Variants in TMEM68 observed in about 807,000 individuals in gnomAD.
TMEM68 encodes transmembrane protein 68.
In TMEM68, 25 loss-of-function variants were observed where a neutral mutation model predicts 36.9. The ratio of observed to expected loss-of-function variants is 0.68; its 90% confidence interval spans 0.49 to 0.95. The LOEUF is 0.95. TMEM68 is among the 40% of genes least tolerant of loss of function. TMEM68 has a pLI of 0.00. For missense variants in TMEM68, 333 were observed against 392.0 expected (o/e 0.85, Z 1.27); for synonymous variants, 131 against 124.4 (o/e 1.05, Z -0.35).
At chr8:55,746,868 A>G (rs1314965585) in intron 5 of TMEM68, 2 of 152,252 alleles carry the variant, frequency 1.3e-5, no homozygotes, top group African/African-American at 4.8e-5. Flanking sequence ...TCACTGTTGT[A>G]TAGCACCTAG....
In TMEM68 at chr8:55,744,941, G is replaced by A. The variant is rs775477842; in HGVS notation, c.748+120C>T. The A allele has an allele frequency of 1.4e-5, 8 of 569,884 alleles. No individual in the cohort carries two copies. The East Asian group carries it at 2.0e-4, about 14-fold the overall frequency. 35.3% of individuals were successfully genotyped at this position (569,884 alleles called of 1,614,324 possible). On this transcript the variant is annotated intron_variant, in intron 6 of 7. Coordinates refer to ENST00000434581, the MANE Select transcript of TMEM68 (RefSeq NM_001286657.2). The stretch of plus-strand genomic sequence containing the variant: ...TCATTTGGACTTTAAACAGAAAAAC[G>A]TCTAAATAGTATATCCATTTTCTAA...
chr8:55,761,485 C>T (rs1810790392), intron 3 of TMEM68: 1 of 152,186 alleles, frequency 6.6e-6, no homozygotes, highest in African/African-American at 2.4e-5. Flanking sequence ...AGAGCTCTCT[C>T]AAATGTATAC....
At chr8:55,744,462 C>T (rs1278016267) in intron 6 of TMEM68, among the ~76,000 whole-genome samples, 2 of 150,594 alleles carry the variant, frequency 1.3e-5, no homozygotes, top group South Asian at 4.2e-4. Context: ...CCCGCCACCA[C>T]ACCTAGCTAA....
At chr8:55,747,914 T>G (rs1324819063) in intron 5 of TMEM68, 1 of 152,178 alleles carries the variant, frequency 6.6e-6, no homozygotes, top group Non-Finnish European at 1.5e-5. Flanking sequence ...TTATATCTAC[T>G]GACTGGCATG....
At chr8:55,770,229 A>G (rs1278876397) in intron 1 of TMEM68, among the ~76,000 whole-genome samples, 4 of 152,126 alleles carry the variant, frequency 2.6e-5, no homozygotes, top group Admixed American at 2.0e-4. Flanking sequence ...CTTCCAACAC[A>G]CTTTCTTTGA....
intron 1 of TMEM68, among the ~76,000 whole-genome samples, chr8:55,765,591 T>G (rs1810940081): frequency 6.6e-6 from 1 of 152,218 alleles, no homozygotes; most frequent in Non-Finnish European, 1.5e-5. Flanking sequence ...CAGCAGCTTT[T>G]TTGGTAACTC....
At chr8:55,752,795 G>GCTCACTA (rs1482828170) in intron 4 of TMEM68, among the ~76,000 whole-genome samples, 1 of 146,930 alleles carries the variant, frequency 6.8e-6, no homozygotes, top group Non-Finnish European at 1.5e-5. Context: ...CACAATAGTA[G>GCTCACTA]CTCACTACGG....
At chr8:55,764,993 A>T (rs1585732445) in intron 1 of TMEM68, among the ~76,000 whole-genome samples, 1 of 152,098 alleles carries the variant, frequency 6.6e-6, no homozygotes, top group Admixed American at 6.6e-5. Context: ...AAACGCTTGA[A>T]CCTGGGAGGC....
At chr8:55,767,378 T>G (rs1811004450) in intron 1 of TMEM68, among the ~76,000 whole-genome samples, 1 of 151,998 alleles carries the variant, frequency 6.6e-6, no homozygotes, top group Non-Finnish European at 1.5e-5. Flanking sequence ...TGTGAAAAAA[T>G]AAGAGTTGCA....
In TMEM68 at chr8:55,762,686, C is replaced by A. The variant is rs761310311; in HGVS notation, c.274G>T (p.Ala92Ser). The change falls in exon 3 of 8, where the codon GCA (alanine) becomes TCA (serine). Residue 92 changes from alanine to serine, a missense_variant. Physicochemically the swap from Ala to Ser is moderately conservative, Grantham distance 99. Coordinates refer to ENST00000434581, the MANE Select transcript of TMEM68 (RefSeq NM_001286657.2). Reference sequence around the variant, plus strand: ...CACAGAGTTGCCACTGTTTTCCTTGCACCATCCCATAAATTATGAGAGTAG... The same window carrying A: ...CACAGAGTTGCCACTGTTTTCCTTGAACCATCCCATAAATTATGAGAGTAG... ...EAYSHNLWDG[A>S]RKTVATLWDG... is the part of the protein sequence containing the mutation. 1 of 1,614,226 alleles carries A rather than the reference C, an allele frequency of 6.2e-7. No homozygotes were observed. Among genetic ancestry groups the A allele is most frequent in the Admixed American group, 1.7e-5 (1 of 60,028 alleles).
Position 55,763,920 on chromosome 8 carries a change from C to T in TMEM68, c.-70+16G>A, listed in dbSNP as rs370548543. 70 of 152,276 alleles carry T rather than the reference C, an allele frequency of 4.6e-4. No homozygotes were observed. Among genetic ancestry groups the T allele is most frequent in the African/African-American group, 1.7e-3 (69 of 41,546 alleles). The allele number at this position is 152,276 out of a possible 1,614,324, so 9.4% of individuals were successfully genotyped here. On this transcript the variant is annotated intron_variant, in intron 2 of 7. Transcript: ENST00000434581. ...TATTTTACAAATTCACTCTCTAAAA[C>T]AGTCATTGGACTTACCAGAAGTTAG...
At chr8:55,766,791 A>G (rs1810975944) in intron 1 of TMEM68, among the ~76,000 whole-genome samples, 1 of 152,194 alleles carries the variant, frequency 6.6e-6, no homozygotes, top group Non-Finnish European at 1.5e-5. Flanking sequence ...TATACTACAC[A>G]GGCAGCAAAT....
chr8:55,771,840 C>T (rs1414308060), intron 1 of TMEM68, among the ~76,000 whole-genome samples: 1 of 152,196 alleles, frequency 6.6e-6, no homozygotes. Context: ...ACTTCTACTT[C>T]AAACCATGAA....
At chr8:55,756,029 G>A (rs1810596707) in intron 4 of TMEM68, among the ~76,000 whole-genome samples, 1 of 151,792 alleles carries the variant, frequency 6.6e-6, no homozygotes, top group South Asian at 2.1e-4. Flanking sequence ...TAAAAAATGA[G>A]CTAACATTTT....
chr8:55,771,878 A>G (rs1768865636), intron 1 of TMEM68, among the ~76,000 whole-genome samples: 1 of 152,200 alleles, frequency 6.6e-6, no homozygotes, highest in Admixed American at 6.5e-5. Flanking sequence ...ATTTGTCAAG[A>G]TAGCTGGTAA....
intron 1 of TMEM68, among the ~76,000 whole-genome samples, chr8:55,767,992 T>C (rs534713010): frequency 6.6e-6 from 1 of 151,990 alleles, no homozygotes; most frequent in Non-Finnish European, 1.5e-5. Context: ...ATTTTAGAAG[T>C]TGGGAAGACA....
At chr8:55,768,210 G>T (rs1811034428) in intron 1 of TMEM68, among the ~76,000 whole-genome samples, 1 of 152,066 alleles carries the variant, frequency 6.6e-6, no homozygotes, top group African/African-American at 2.4e-5. Flanking sequence ...GCAAACCCTG[G>T]TAAGAGCTGT....
intron 3 of TMEM68, among the ~76,000 whole-genome samples, chr8:55,757,972 A>T (rs13250054): frequency 0.85 from 129,052 of 151,598 alleles, 55,186 homozygotes; most frequent in East Asian, 0.99. Context: ...GGAGTGCTAT[A>T]CCCCAGCACC....
chr8:55,755,591 CTTTT>C, intron 4 of TMEM68, among the ~76,000 whole-genome samples: 1 of 148,666 alleles, frequency 6.7e-6, no homozygotes. Flanking sequence ...TATATCATGA[CTTTT>C]TTTTTTTTTT....
Sources: allele counts gnomAD v4.1 joint callset (sites outside exome capture counted in the v4.1 genomes callset), GRCh38; gene constraint gnomAD v4.1.1; transcripts MANE v1.5; gene names NCBI Gene and HGNC (gene_info 2026-07-23, HGNC 2026-07-21).